GSN: variants seen among roughly 807,000 people sequenced by gnomAD.
GSN encodes actin-depolymerizing factor.
Under a neutral mutation model 85.7 loss-of-function variants are expected in GSN, and 56 were observed. That is an observed-to-expected ratio of 0.65 (90% CI 0.53 to 0.82). The LOEUF (loss-of-function observed/expected upper bound fraction) is 0.82. Among genes scored for constraint, GSN ranks in the 40% least tolerant of loss-of-function variants. GSN has a pLI of 0.00. For synonymous variants in GSN, 373 were observed against 399.1 expected, an observed-to-expected ratio of 0.93 and a Z score of 0.78; for missense variants, 857 against 979.8, an observed-to-expected ratio of 0.87 and a Z score of 1.67.
chr9:121,313,829 G>T, intron 6 of GSN, 105 bp from the exon 7 acceptor site: 3 of 881,182 alleles, frequency 3.4e-6, no homozygotes, highest in South Asian at 2.6e-5. Flanking sequence ...CATGGGGAGG[G>T]TCACAGTGGA....
chr9:121,323,932 T>G (rs1237455201), intron 11 of GSN, among the ~76,000 whole-genome samples: 2 of 152,236 alleles, frequency 1.3e-5, no homozygotes, highest in African/African-American at 4.8e-5. Flanking sequence ...GAAGACTGTT[T>G]TAAAAATTAG....
At chr9:121,323,008 A>G (rs1005457997) in intron 11 of GSN, among the ~76,000 whole-genome samples, 1 of 151,500 alleles carries the variant, frequency 6.6e-6, no homozygotes, top group Non-Finnish European at 1.5e-5. Context: ...GCTACTTTTT[A>G]TACTTTAGTA....
At chr9:121,301,225 G>T (rs556007547) in intron 2 of GSN, among the ~76,000 whole-genome samples, 1 of 152,350 alleles carries the variant, frequency 6.6e-6, no homozygotes, top group East Asian at 1.9e-4. Flanking sequence ...CAGAGCTTGT[G>T]ATCTTGGAGC....
Position 121,332,696 on chromosome 9 carries a change from A to ATGTG in GSN, c.*95_*96insTGTG. On this transcript the variant is annotated 3_prime_UTR_variant, in exon 18 of 18. Transcript: ENST00000432226. The surrounding 1 kb of genome is among the most constrained non-coding windows in gnomAD (Gnocchi z 4.8). ...TTAGAGCGAGCAGAGCAGCTCTGCT[A>ATGTG]TGAGTGTGTGTGTGTGTGTGTGTTG... The ATGTG allele has an allele frequency of 1.2e-6, 1 of 869,162 alleles. No individual in the cohort carries two copies. Among genetic ancestry groups the ATGTG allele is most frequent in the Non-Finnish European group, 1.8e-6 (1 of 543,688 alleles). The allele number at this position is 869,162 out of a possible 1,614,324, so 53.8% of individuals were successfully genotyped here.
At chr9:121,240,460 A>G (rs151305362) in intron 5 of GSN, among the ~76,000 whole-genome samples, 528 of 152,366 alleles carry the variant, frequency 3.5e-3, no homozygotes, top group African/African-American at 0.012. Flanking sequence ...TGGCTCCTGG[A>G]ACCAAAAGAG....
At chr9:121,312,081 A>AT (rs2061212515) in intron 5 of GSN, 3 of 428,890 alleles carry the variant, frequency 7.0e-6, no homozygotes, top group African/African-American at 4.0e-5. Context: ...GCAGGCAAAC[A>AT]TTTTTGCACA....
chr9:121,254,323 A>G (rs890204228), intron 6 of GSN, among the ~76,000 whole-genome samples: 1 of 152,176 alleles, frequency 6.6e-6, no homozygotes, highest in Non-Finnish European at 1.5e-5. Context: ...CTTCCCGTGA[A>G]ACAAGATCAC....
At chr9:121,233,656 A>C (rs941956081) in intron 5 of GSN, among the ~76,000 whole-genome samples, 9 of 152,186 alleles carry the variant, frequency 5.9e-5, no homozygotes, top group African/African-American at 2.2e-4. Flanking sequence ...CACTGAGCTG[A>C]GCCCAGCCAA....
At chr9:121,326,741 A>G (rs767716810) in intron 13 of GSN, 59 bp downstream of exon 13, 8 of 1,397,524 alleles carry the variant, frequency 5.7e-6, no homozygotes, top group Non-Finnish European at 5.1e-6. Flanking sequence ...TCCCAGCTCA[A>G]TGACCAGATC....
At chr9:121,280,456 C>G (rs1455206758) in intron 1 of GSN, 3 of 152,194 alleles carry the variant, frequency 2.0e-5, no homozygotes, top group Non-Finnish European at 2.9e-5. Flanking sequence ...GAGAGAAAGT[C>G]CTATCACCAG....
chr9:121,236,227 G>GT, intron 5 of GSN, among the ~76,000 whole-genome samples: 1 of 152,028 alleles, frequency 6.6e-6, no homozygotes, highest in African/African-American at 2.4e-5. Context: ...TTGTTTGTTT[G>GT]TTTTTTCCCC....
At position 121,286,758 on chromosome 9, in the gene GSN, T is replaced by C. The variant is rs549496693; in HGVS notation, c.-10+5196T>C. ...GAGAGCTGATCTTCATGCCACTGTGTACAGTAGGTATTTTTTAAAGGTGTG... is the reference window on the plus strand; with the variant it reads ...GAGAGCTGATCTTCATGCCACTGTGCACAGTAGGTATTTTTTAAAGGTGTG... On this transcript the variant is annotated intron_variant, in intron 2 of 17. Coordinates refer to ENST00000432226, the MANE Select transcript of GSN (RefSeq NM_198252.3). 6 of 1,534,754 alleles carry C rather than the reference T, an allele frequency of 3.9e-6. No homozygotes were observed. The Admixed American group carries it at 1.2e-4, about 30-fold the overall frequency.
chr9:121,227,041 G>A (rs755754504), intron 4 of GSN, among the ~76,000 whole-genome samples: 3 of 151,954 alleles, frequency 2.0e-5, no homozygotes, highest in Non-Finnish European at 4.4e-5. Context: ...CTCTCCAGAC[G>A]TTGTCCCATG....
At chr9:121,284,689 G>C in intron 2 of GSN, 1 of 167,406 alleles carries the variant, frequency 6.0e-6, no homozygotes. Flanking sequence ...GGTTGAGGTG[G>C]GGAGCTGGTT....
At chr9:121,228,199 C>T (rs1254706248) in intron 4 of GSN, among the ~76,000 whole-genome samples, 1 of 151,884 alleles carries the variant, frequency 6.6e-6, no homozygotes, top group African/African-American at 2.4e-5. Context: ...CCTTCCTCCT[C>T]CTTCTGTCCC....
rs1564363819 is a variant in GSN at position 121,261,074 on chromosome 9, T to G, written c.-340-4080T>G. Among the ~76,000 whole-genome samples, 1 of 152,180 alleles carries G rather than the reference T, an allele frequency of 6.6e-6. No individual in the cohort carries two copies. The highest frequency in any genetic ancestry group is 1.5e-5 in the Non-Finnish European group (1 of 68,026). On this transcript the variant is annotated intron_variant, in intron 6 of 24. Transcript: ENST00000373823. This position sits in a 1 kb window ranked among gnomAD's most constrained non-coding sequence, Gnocchi z 4.1. ...AACATTTGAAAAGCCCATTGTTCGGTGTTGTGATAATATAACTCTCTGTAA... is the reference window on the plus strand; with the variant it reads ...AACATTTGAAAAGCCCATTGTTCGGGGTTGTGATAATATAACTCTCTGTAA...
At chr9:121,274,420 TG>T (rs1389716124) in intron 1 of GSN, among the ~76,000 whole-genome samples, 2 of 152,244 alleles carry the variant, frequency 1.3e-5, no homozygotes, top group Non-Finnish European at 2.9e-5. Context: ...ATACTTTTTT[TG>T]TGTGTTCTTC....
chr9:121,229,096 G>A (rs978427446), intron 4 of GSN, among the ~76,000 whole-genome samples: 12 of 152,060 alleles, frequency 7.9e-5, no homozygotes, highest in Admixed American at 7.2e-4. Context: ...ATCCTTTATA[G>A]CTTTTTAATT....
intron 4 of GSN, among the ~76,000 whole-genome samples, chr9:121,228,239 AG>A (rs1473343648): frequency 3.3e-5 from 5 of 151,616 alleles, no homozygotes; most frequent in Non-Finnish European, 7.4e-5. Context: ...TGCACACCCG[AG>A]GTGCTGCAGA....
Sources: allele counts gnomAD v4.1 joint callset (sites outside exome capture counted in the v4.1 genomes callset), GRCh38; gene constraint gnomAD v4.1.1; non-coding constraint Gnocchi (gnomAD v3.1); transcripts MANE v1.5; gene names NCBI Gene and HGNC (gene_info 2026-07-23, HGNC 2026-07-21).